MUC7: variants seen among roughly 807,000 people sequenced by gnomAD.
MUC7 encodes mucin-7.
In MUC7, 2 loss-of-function variants were observed where a neutral mutation model predicts 2.5. The ratio of observed to expected loss-of-function variants is 0.81; its 90% CI spans 0.33 to 2.55. The LOEUF (loss-of-function observed/expected upper bound fraction) is 2.55. Among genes scored for constraint, MUC7 ranks in the 30% most tolerant of loss-of-function variants. MUC7 has a pLI of 0.11. For synonymous variants in MUC7, 133 were observed against 173.4 expected (o/e 0.77, Z 1.83); for missense variants, 408 against 455.6 (o/e 0.90, Z 0.95).
At chr4:70,476,193 A>G (rs1734995618) in intron 2 of MUC7, among the ~76,000 whole-genome samples, 2 of 152,232 alleles carry the variant, frequency 1.3e-5, no homozygotes, top group Non-Finnish European at 2.9e-5. Context: ...TGTAATCTCA[A>G]TTTACATACT....
intron 1 of MUC7, among the ~76,000 whole-genome samples, chr4:70,451,862 C>T (rs544508418): frequency 9.2e-5 from 14 of 152,148 alleles, no homozygotes; most frequent in South Asian, 2.1e-4. Context: ...AATGAGGTAC[C>T]GAAATCTCCA....
intron 1 of MUC7, among the ~76,000 whole-genome samples, chr4:70,452,012 TG>T (rs1261028543): frequency 1.3e-5 from 2 of 152,222 alleles, no homozygotes; most frequent in Non-Finnish European, 2.9e-5. Flanking sequence ...CCTTATATAC[TG>T]ATCTTATTTG....
intron 1 of MUC7, among the ~76,000 whole-genome samples, chr4:70,461,717 G>A (rs2109727351): frequency 6.6e-6 from 1 of 151,944 alleles, no homozygotes; most frequent in South Asian, 2.1e-4. Context: ...AAGACACAGA[G>A]CTCTCCGCTT....
At chr4:70,436,822 C>T (rs1171890729) in intron 1 of MUC7, among the ~76,000 whole-genome samples, 1 of 152,176 alleles carries the variant, frequency 6.6e-6, no homozygotes. Flanking sequence ...GGTTTCTCCC[C>T]ATCTTTATGG....
chr4:70,431,446 A>T (rs1733662345), intron 1 of MUC7, among the ~76,000 whole-genome samples: 1 of 151,984 alleles, frequency 6.6e-6, no homozygotes, highest in Non-Finnish European at 1.5e-5. Context: ...TTTTTCATGA[A>T]TTTAAGAGCA....
At chr4:70,434,684 T>G (rs1733779793) in intron 1 of MUC7, among the ~76,000 whole-genome samples, 1 of 152,224 alleles carries the variant, frequency 6.6e-6, no homozygotes, top group Admixed American at 6.5e-5. Flanking sequence ...ATTGATTTTT[T>G]GAAGGGCTTT....
chr4:70,457,571 T>C (rs1385642057), intron 1 of MUC7, among the ~76,000 whole-genome samples: 2 of 152,048 alleles, frequency 1.3e-5, no homozygotes, highest in African/African-American at 4.8e-5. Context: ...AACTCAAAAA[T>C]TGTTTCCTTG....
chr4:70,472,648 G>T (rs1734866392), intron 1 of MUC7, among the ~76,000 whole-genome samples: 1 of 152,050 alleles, frequency 6.6e-6, no homozygotes, highest in African/African-American at 2.4e-5. Context: ...AGTACGATTT[G>T]TAATATATAT....
intron 1 of MUC7, among the ~76,000 whole-genome samples, chr4:70,473,585 C>CT (rs1734904571): frequency 6.6e-6 from 1 of 152,204 alleles, no homozygotes; most frequent in South Asian, 2.1e-4. Flanking sequence ...GCATTTTCCT[C>CT]TAACATCAGG....
intron 1 of MUC7, among the ~76,000 whole-genome samples, chr4:70,444,179 AT>A (rs533333530): frequency 1.2e-3 from 178 of 152,284 alleles, no homozygotes; most frequent in African/African-American, 4.2e-3. Flanking sequence ...CACAGATGAG[AT>A]TCCTGTCAGC....
chr4:70,466,743 TC>T, intron 1 of MUC7, among the ~76,000 whole-genome samples: 1 of 152,106 alleles, frequency 6.6e-6, no homozygotes, highest in African/African-American at 2.4e-5. Flanking sequence ...TACAGGAGCA[TC>T]CAGATTCATA....
intron 1 of MUC7, among the ~76,000 whole-genome samples, chr4:70,447,073 C>T (rs1260118829): frequency 1.7e-5 from 1 of 58,056 alleles, no homozygotes; most frequent in African/African-American, 7.0e-5. Flanking sequence ...GGTGGGTGGG[C>T]AGGGAAGAGG....
chr4:70,480,923 G>A lies in MUC7; in HGVS notation c.179G>A (p.Arg60Lys). ...CTAGCTCACCAGAAGCCGTTCATTA[G>A]AAAGTCCTATAAATGTCTGCACAAA... Reference protein sequence around the residue: ...GLLAHQKPFIRKSYKCLHKRC... With the variant: ...GLLAHQKPFIKKSYKCLHKRC... The change falls in exon 3 of 3, where the codon AGA (arginine) becomes AAA (lysine). Residue 60 changes from arginine to lysine, a missense_variant. By Grantham distance (26) the Arg-to-Lys change is conservative. Coordinates refer to ENST00000304887, the MANE Select transcript of MUC7 (RefSeq NM_152291.3). 6 of 1,614,100 alleles carry A rather than the reference G, an allele frequency of 3.7e-6. No individual in the cohort carries two copies. Among genetic ancestry groups the A allele is most frequent in the African/African-American group, 1.3e-5 (1 of 75,010 alleles).
intron 1 of MUC7, among the ~76,000 whole-genome samples, chr4:70,437,870 G>C (rs767672225): frequency 2.0e-5 from 3 of 149,882 alleles, no homozygotes; most frequent in Non-Finnish European, 4.4e-5. Flanking sequence ...ACTCCAGGGA[G>C]CTGCTTTTAA....
chr4:70,461,228 T>C (rs570473008), intron 1 of MUC7, among the ~76,000 whole-genome samples: 3 of 152,298 alleles, frequency 2.0e-5, no homozygotes, highest in Non-Finnish European at 4.4e-5. Context: ...TAATTTTGGT[T>C]CTTTCTGGGG....
intron 1 of MUC7, among the ~76,000 whole-genome samples, chr4:70,449,046 A>G (rs1214237725): frequency 6.6e-6 from 1 of 151,992 alleles, no homozygotes; most frequent in African/African-American, 2.4e-5. Flanking sequence ...TCCTCAATGG[A>G]TGTTCTTGGC....
rs1419071003 is a variant in MUC7, at chr4:70,481,735, C to T, written c.991C>T (p.His331Tyr). 1.9e-6 allele frequency: 3 copies of T among 1,614,208 alleles called. No individual in the cohort carries two copies. The highest frequency in any genetic ancestry group is 2.5e-6 in the Non-Finnish European group (3 of 1,180,042). ...TTCTGAAACTTCAGCTGCACCCACA[C>T]ACCAGACTACTACTTCGGTCACTAC... Reference protein sequence around the residue: ...DTSETSAAPTHQTTTSVTTQT... With the variant: ...DTSETSAAPTYQTTTSVTTQT... Residue 331 changes from histidine to tyrosine, a missense_variant, in exon 3 of 3, where the codon CAC (histidine) becomes TAC (tyrosine). By Grantham distance (83) the His-to-Tyr change is moderately conservative (BLOSUM62 2). Coordinates refer to ENST00000304887, the MANE Select transcript of MUC7 (RefSeq NM_152291.3).
intron 1 of MUC7, among the ~76,000 whole-genome samples, chr4:70,456,101 C>A (rs1363425545): frequency 1.3e-5 from 2 of 152,156 alleles, no homozygotes; most frequent in Non-Finnish European, 2.9e-5. Flanking sequence ...ATCTTCCTGT[C>A]TTTTTCTCAG....
At chr4:70,477,472 T>C (rs1411906276) in intron 2 of MUC7, among the ~76,000 whole-genome samples, 1 of 152,200 alleles carries the variant, frequency 6.6e-6, no homozygotes, top group Non-Finnish European at 1.5e-5. Flanking sequence ...CCTTTCTGAC[T>C]AATTTTCTCC....
Sources: allele counts gnomAD v4.1 joint callset (sites outside exome capture counted in the v4.1 genomes callset), GRCh38; gene constraint gnomAD v4.1.1; transcripts MANE v1.5; gene names NCBI Gene and HGNC (gene_info 2026-07-23, HGNC 2026-07-21).